The following UBE2E3 variants were observed in gnomAD, a reference collection of about 807,000 sequenced individuals.
The protein encoded by UBE2E3 is ubiquitin-conjugating enzyme E2 E3.
Under a neutral mutation model 23.6 loss-of-function variants are expected in UBE2E3, and 5 were observed. The observed-to-expected ratio is 0.21, with a 90% confidence interval of 0.11 to 0.44. The LOEUF (loss-of-function observed/expected upper bound fraction) is 0.44. Among genes scored for constraint, UBE2E3 ranks in the 20% least tolerant of loss-of-function variants. UBE2E3 has a pLI of 0.99. For synonymous variants in UBE2E3, 78 were observed against 87.5 expected (o/e 0.89, Z 0.60); for missense variants, 81 against 249.8 (o/e 0.32, Z 4.55).
intron 3 of UBE2E3, among the ~76,000 whole-genome samples, chr2:181,056,752 G>A (rs550163702): frequency 3.8e-4 from 58 of 151,850 alleles, no homozygotes; most frequent in African/African-American, 1.3e-3. Flanking sequence ...ATAAGAAGCA[G>A]GATATTTGCC....
At chr2:181,034,538 G>A (rs1222375880) in intron 3 of UBE2E3, among the ~76,000 whole-genome samples, 1 of 152,170 alleles carries the variant, frequency 6.6e-6, no homozygotes, top group Non-Finnish European at 1.5e-5. Flanking sequence ...GGGGTGGGGG[G>A]AGCGGGGAGA....
intron 3 of UBE2E3, chr2:180,987,364 C>T (rs1233510609): frequency 1.3e-6 from 2 of 1,549,924 alleles, no homozygotes; most frequent in African/African-American, 1.4e-5. Flanking sequence ...CTCCTAGTCA[C>T]CACTTGTGCA....
intron 3 of UBE2E3, among the ~76,000 whole-genome samples, chr2:180,994,050 A>T (rs1394773470): frequency 6.6e-6 from 1 of 152,168 alleles, no homozygotes; most frequent in African/African-American, 2.4e-5. Context: ...TATGGAATTC[A>T]ATGGCAGTTT....
chr2:180,997,627 T>C (rs1305709385), intron 3 of UBE2E3, among the ~76,000 whole-genome samples: 2 of 152,298 alleles, frequency 1.3e-5, no homozygotes, highest in African/African-American at 4.8e-5. Flanking sequence ...AGTGGTTGTC[T>C]ATCAAAAGTA....
At chr2:181,009,220 T>G (rs1224036827) in intron 3 of UBE2E3, among the ~76,000 whole-genome samples, 1 of 152,146 alleles carries the variant, frequency 6.6e-6, no homozygotes, top group Non-Finnish European at 1.5e-5. Context: ...TTTCCCCAGG[T>G]CTGTAATATT....
intron 3 of UBE2E3, among the ~76,000 whole-genome samples, chr2:181,046,259 T>C (rs946085527): frequency 6.6e-6 from 1 of 152,086 alleles, no homozygotes; most frequent in African/African-American, 2.4e-5. Flanking sequence ...GAATTTTGAG[T>C]CTTTCGCAGG....
At chr2:181,034,066 T>G (rs950260589) in intron 3 of UBE2E3, among the ~76,000 whole-genome samples, 2 of 152,194 alleles carry the variant, frequency 1.3e-5, no homozygotes, top group Non-Finnish European at 1.5e-5. Flanking sequence ...GGAACACTTT[T>G]ACACTGTTGG....
chr2:181,002,056 T>C (rs1685006458), intron 3 of UBE2E3, among the ~76,000 whole-genome samples: 2 of 152,312 alleles, frequency 1.3e-5, no homozygotes, highest in African/African-American at 4.8e-5. Context: ...TACAGTATCA[T>C]AGAAGCCTAG....
intron 3 of UBE2E3, among the ~76,000 whole-genome samples, chr2:181,055,993 C>A (rs548405889): frequency 2.7e-5 from 4 of 149,838 alleles, no homozygotes; most frequent in African/African-American, 9.8e-5. Context: ...GTTTTTCTTA[C>A]AACATTCGCA....
chr2:181,035,874 C>T (rs913418877), intron 3 of UBE2E3, among the ~76,000 whole-genome samples: 5 of 152,108 alleles, frequency 3.3e-5, no homozygotes, highest in African/African-American at 4.8e-5. Flanking sequence ...GAATTTTACT[C>T]ATAATTTAAT....
In UBE2E3 at chr2:181,015,209, A is replaced by G. The variant is rs188184675; in HGVS notation, c.245+31116A>G. ...TACATGTGAATTTAGTATAAAATTC[A>G]GGACATGCAAAAACATATTTAAAAA... On this transcript the variant is annotated intron_variant, in intron 3 of 5. Coordinates refer to ENST00000410062, the MANE Select transcript of UBE2E3 (RefSeq NM_006357.4). Among the ~76,000 whole-genome samples the G allele has an allele frequency of 2.3e-3, 354 of 152,352 alleles. 1 individual carries two copies. Among genetic ancestry groups the G allele is most frequent in the African/African-American group, 8.2e-3 (342 of 41,582 alleles).
At chr2:180,990,383 G>T (rs1188190023) in intron 3 of UBE2E3, among the ~76,000 whole-genome samples, 1 of 152,126 alleles carries the variant, frequency 6.6e-6, no homozygotes, top group Non-Finnish European at 1.5e-5. Flanking sequence ...ATAGATATTT[G>T]TTCCTGTACT....
intron 3 of UBE2E3, among the ~76,000 whole-genome samples, chr2:181,009,535 A>G (rs1179884155): frequency 8.3e-6 from 1 of 121,086 alleles, no homozygotes; most frequent in Admixed American, 8.0e-5. Context: ...GGCTTTATTT[A>G]TACTAGGCTT....
intron 3 of UBE2E3, among the ~76,000 whole-genome samples, chr2:181,018,470 C>T (rs1685566254): frequency 6.6e-6 from 1 of 151,858 alleles, no homozygotes; most frequent in African/African-American, 2.4e-5. Flanking sequence ...GTGCAGATAC[C>T]TATCTACCTT....
chr2:181,051,937 C>T (rs73974755), intron 3 of UBE2E3, among the ~76,000 whole-genome samples: 2,737 of 151,850 alleles, frequency 0.018, 69 homozygotes, highest in African/African-American at 0.063. Context: ...GTCAAAAATA[C>T]GTTTTCCAAA....
At chr2:181,059,092 G>A (rs1687061975) in intron 4 of UBE2E3, among the ~76,000 whole-genome samples, 1 of 151,718 alleles carries the variant, frequency 6.6e-6, no homozygotes, top group African/African-American at 2.4e-5. Context: ...AATTTAGCAT[G>A]TTGGTTTTTT....
chr2:181,026,778 T>G (rs1685901351), intron 3 of UBE2E3, among the ~76,000 whole-genome samples: 2 of 151,900 alleles, frequency 1.3e-5, no homozygotes, highest in African/African-American at 4.8e-5. Flanking sequence ...TATACTTAAT[T>G]TACACATGCT....
chr2:181,049,851 T>C (rs886157640), intron 3 of UBE2E3, among the ~76,000 whole-genome samples: 2 of 152,024 alleles, frequency 1.3e-5, no homozygotes, highest in African/African-American at 4.8e-5. Context: ...TTTATTTTTA[T>C]GTTCAATCTA....
intron 3 of UBE2E3, among the ~76,000 whole-genome samples, chr2:181,006,416 G>T (rs1005255930): frequency 1.3e-5 from 2 of 150,958 alleles, no homozygotes; most frequent in African/African-American, 4.9e-5. Flanking sequence ...TGCCGTTCCA[G>T]ATTCCATGAA....
Sources: allele counts gnomAD v4.1 joint callset (sites outside exome capture counted in the v4.1 genomes callset), GRCh38; gene constraint gnomAD v4.1.1; transcripts MANE v1.5; gene names NCBI Gene and HGNC (gene_info 2026-07-23, HGNC 2026-07-21).